ABCA5: variants seen among roughly 807,000 people sequenced by gnomAD.
ABCA5 encodes ATP binding cassette subfamily A member 5.
In ABCA5, 163 loss-of-function variants were observed where a neutral mutation model predicts 206.0. The observed-to-expected ratio is 0.79, with a 90% CI of 0.70 to 0.90. The LOEUF (loss-of-function observed/expected upper bound fraction) is 0.90. Ranked by LOEUF, ABCA5 falls within the 40% of genes least tolerant of loss-of-function variation. The pLI is 0.00. For missense variants in ABCA5, 1,859 were observed against 1,912.9 expected (o/e 0.97, Z 0.53); for synonymous variants, 609 against 613.8 (o/e 0.99, Z 0.11).
chr17:69,272,144 A>G (rs1005285661), intron 20 of ABCA5, among the ~76,000 whole-genome samples: 7 of 152,160 alleles, frequency 4.6e-5, no homozygotes, highest in Admixed American at 6.5e-5. Flanking sequence ...TGTCATAGAG[A>G]ATGGTGACAC....
chr17:69,312,495 A>G (rs558351859), intron 3 of ABCA5, among the ~76,000 whole-genome samples: 118 of 152,302 alleles, frequency 7.7e-4, no homozygotes, highest in Non-Finnish European at 1.4e-3. Flanking sequence ...AGTTTACACC[A>G]TACACTTCTA....
Position 69,297,209 on chromosome 17 carries a change from A to G in ABCA5, c.1418T>C (p.Val473Ala). ...EIIEPVSSEFVGKEAIRISGI... is the reference protein window; with the variant it reads ...EIIEPVSSEFAGKEAIRISGI... The stretch of plus-strand genomic sequence containing the variant: ...ACCATACCTTATGGCTTCTTTTCCT[A>G]CAAATTCTGAAGAAACTGGCTCAAT... Residue 473 changes from valine (V) to alanine (A), a missense_variant, in exon 10 of 39, where the codon GTA becomes GCA. Physicochemically the swap from Val to Ala is moderately conservative, Grantham distance 64. Transcript: ENST00000392676. The G allele has an allele frequency of 1.9e-6, 3 of 1,611,528 alleles. No homozygotes were observed. The highest frequency in any genetic ancestry group is 1.1e-5 in the South Asian group (1 of 90,096).
Position 69,247,493 on chromosome 17 carries a change from T to G in ABCA5, c.*44A>C. 1 of 1,337,958 alleles carries G rather than the reference T, an allele frequency of 7.5e-7. No homozygotes were observed. The highest frequency in any genetic ancestry group is 1.0e-6 in the Non-Finnish European group (1 of 971,222). 82.9% of individuals were successfully genotyped at this position (1,337,958 alleles called of 1,614,324 possible). ...TTTTTAAACCAAAGTTAAAATTAAG[T>G]GAAAAAGAAAGAAGTCCCAGTAAGC... On this transcript the variant is annotated 3_prime_UTR_variant, in exon 39 of 39. Transcript: ENST00000392676.
intron 28 of ABCA5, 69 bp downstream of exon 28, chr17:69,259,637 T>C: frequency 9.4e-7 from 1 of 1,066,386 alleles, no homozygotes; most frequent in South Asian, 1.6e-5. Context: ...CAAAATTATG[T>C]TATGGTAATG....
intron 2 of ABCA5, among the ~76,000 whole-genome samples, chr17:69,313,507 G>A (rs1246069486): frequency 1.3e-5 from 2 of 151,878 alleles, no homozygotes; most frequent in Non-Finnish European, 2.9e-5. Context: ...TTTGTATTTA[G>A]TTTTACTGAA....
chr17:69,313,481 G>A (rs544271142), intron 2 of ABCA5, among the ~76,000 whole-genome samples, 185 bp from the exon 3 acceptor site: 177 of 151,986 alleles, frequency 1.2e-3, no homozygotes, highest in Non-Finnish European at 1.9e-3. Context: ...AACCCAACAT[G>A]CATATTATTT....
At chr17:69,297,475 T>C (rs1007055357) in intron 9 of ABCA5, 116 bp from the exon 10 acceptor site, 6 of 842,540 alleles carry the variant, frequency 7.1e-6, no homozygotes, top group African/African-American at 5.2e-5. Flanking sequence ...CCGCAACATA[T>C]ATATATTTCC....
chr17:69,271,108 G>A (rs749829695), intron 21 of ABCA5, 54 bp downstream of exon 21: 34 of 1,556,774 alleles, frequency 2.2e-5, no homozygotes, highest in Non-Finnish European at 2.8e-5. Flanking sequence ...TAGAAGAAAC[G>A]TTTTAATCTT....
At chr17:69,320,307 T>C (rs1470837708) in intron 1 of ABCA5, among the ~76,000 whole-genome samples, 1 of 152,066 alleles carries the variant, frequency 6.6e-6, no homozygotes. Context: ...GACGAATTAG[T>C]GAGCTAAATT....
At chr17:69,288,837 A>G (rs1234106412) in intron 14 of ABCA5, among the ~76,000 whole-genome samples, 1 of 152,142 alleles carries the variant, frequency 6.6e-6, no homozygotes, top group African/African-American at 2.4e-5. Flanking sequence ...TAACTCAGAA[A>G]GGAAAGGGTG....
Position 69,297,254 on chromosome 17 carries a change from T to C in ABCA5, c.1373A>G (p.Asn458Ser). 1.2e-6 allele frequency: 2 copies of C among 1,612,990 alleles called. No homozygotes were observed. Among genetic ancestry groups the C allele is most frequent in the Non-Finnish European group, 1.7e-6 (2 of 1,179,638 alleles). Reference protein sequence around the residue: ...EELSEGNVNGNISFSEIIEPV... With the variant: ...EELSEGNVNGSISFSEIIEPV... ...CTCAATAATTTCACTAAAACTAATA[T>C]TTCCATTAACATTGCCCTCTGATAA... Residue 458 changes from asparagine to serine, a missense_variant, in exon 10 of 39, where the codon AAT becomes AGT. By Grantham distance (46) the Asn-to-Ser change is conservative. Coordinates refer to ENST00000392676, the MANE Select transcript of ABCA5 (RefSeq NM_172232.4).
rs1347707741 is a variant in ABCA5 at position 69,254,339 on chromosome 17, C to T, written c.4220G>A (p.Ser1407Asn). ...IYGAVKGMSA[S>N]DMKEVISRIT... ...CCGACTTATGACTTCTTTCATGTCA[C>T]TTGCACTCATTCCTTTGACAGCTCC... is the stretch of plus-strand genomic sequence containing the variant. The change falls in exon 32 of 39, where the codon AGT (serine) becomes AAT (asparagine). Residue 1407 changes from serine (S) to asparagine (N), a missense_variant. By Grantham distance (46) the Ser-to-Asn change is conservative. Coordinates refer to ENST00000392676, the MANE Select transcript of ABCA5 (RefSeq NM_172232.4). 6.2e-7 allele frequency: 1 copy of T among 1,612,732 alleles called. No homozygotes were observed. Among genetic ancestry groups the T allele is most frequent in the South Asian group, 1.1e-5 (1 of 90,770 alleles).
rs765995592 is a variant in ABCA5, at chr17:69,291,213, C to A, written c.1606+3G>T. The A allele has an allele frequency of 1.4e-5, 22 of 1,557,628 alleles. No individual in the cohort carries two copies. The African/African-American group carries it at 2.7e-4, about 19-fold the overall frequency. On this transcript the variant is annotated splice_donor_region_variant and intron_variant, in intron 12 of 38. Coordinates refer to ENST00000392676, the MANE Select transcript of ABCA5 (RefSeq NM_172232.4). ...TTTTTTTTCTTTAAGACAGAAAACT[C>A]ACCATCAGAAGGTGGGCAGAGTCCA...
chr17:69,273,930 C>G (rs758352185), intron 20 of ABCA5, 29 bp downstream of exon 20: 1 of 1,575,856 alleles, frequency 6.3e-7, no homozygotes, highest in South Asian at 1.2e-5. Context: ...CATGCCAACA[C>G]TCGTTCACAG....
At chr17:69,322,874 A>G (rs1456229950) in intron 1 of ABCA5, among the ~76,000 whole-genome samples, 7 of 152,226 alleles carry the variant, frequency 4.6e-5, no homozygotes, top group Non-Finnish European at 1.0e-4. Context: ...ACCCTATAAA[A>G]TAAATAAGTT....
At chr17:69,281,658 G>GT (rs2144962381) in intron 18 of ABCA5, among the ~76,000 whole-genome samples, 2 of 152,258 alleles carry the variant, frequency 1.3e-5, no homozygotes, top group African/African-American at 4.8e-5. Context: ...TATCATAAAC[G>GT]TAGGACTACA....
intron 27 of ABCA5, among the ~76,000 whole-genome samples, chr17:69,260,035 CATTT>C (rs528743774): frequency 3.6e-4 from 54 of 151,950 alleles, no homozygotes; most frequent in Middle Eastern, 3.4e-3. Context: ...CTGTATCATT[CATTT>C]ATTGTCAGCT....
rs2144967607 is a variant in ABCA5 at position 69,283,884 on chromosome 17, T to C, written c.2392+69A>G. 2.7e-6 allele frequency: 4 copies of C among 1,458,288 alleles called. No homozygotes were observed. The Middle Eastern group carries it at 6.6e-4, about 241-fold the overall frequency. 90.3% of individuals were successfully genotyped at this position (1,458,288 alleles called of 1,614,324 possible). ...TAAAAAAAATATAAAATTACATTTA[T>C]ATAATTTTTGTCTTATTCACCATCT... On this transcript the variant is annotated intron_variant, in intron 18 of 38. Transcript: ENST00000392676.
chr17:69,262,612 A>G (rs1279701527), intron 24 of ABCA5, among the ~76,000 whole-genome samples: 2 of 152,092 alleles, frequency 1.3e-5, no homozygotes, highest in African/African-American at 4.8e-5. Context: ...TATGTACCAC[A>G]CTTTCTTTAT....
Sources: gnomAD v4.1 joint callset for allele counts (sites outside exome capture counted in the v4.1 genomes callset) on GRCh38, gnomAD v4.1.1 for gene constraint, MANE v1.5 for transcripts, NCBI Gene and HGNC (gene_info 2026-07-23, HGNC 2026-07-21) for gene names.